Variants in PLCB1 observed in about 807,000 individuals in gnomAD.
PLCB1 encodes phospholipase C beta 1.
Under a neutral mutation model 161.8 loss-of-function variants are expected in PLCB1, and 46 were observed. The observed-to-expected ratio is 0.28, with a 90% confidence interval of 0.22 to 0.36. The LOEUF (loss-of-function observed/expected upper bound fraction) is 0.36. Ranked by LOEUF, PLCB1 falls within the 10% of genes least tolerant of loss-of-function variation. The pLI, the probability that PLCB1 is intolerant of heterozygous loss-of-function variation, is 1.00. For synonymous variants in PLCB1, 517 were observed against 503.7 expected (o/e 1.03, Z -0.35); for missense variants, 1,016 against 1,472.5 (o/e 0.69, Z 5.07).
intron 2 of PLCB1, among the ~76,000 whole-genome samples, chr20:8,295,816 C>T (rs776339101): frequency 6.6e-6 from 1 of 151,980 alleles, no homozygotes; most frequent in Non-Finnish European, 1.5e-5. Context: ...CTCAAGTGAT[C>T]CTCCCACCTC....
chr20:8,242,876 A>G (rs1311687724), intron 2 of PLCB1, among the ~76,000 whole-genome samples: 1 of 151,930 alleles, frequency 6.6e-6, no homozygotes, highest in Non-Finnish European at 1.5e-5. Context: ...CAATTGTGCT[A>G]TGGGAATAAT....
chr20:8,756,213 T>C (rs534266099), intron 23 of PLCB1, among the ~76,000 whole-genome samples: 131 of 152,330 alleles, frequency 8.6e-4, no homozygotes, highest in Non-Finnish European at 1.6e-3. Context: ...ACTTTATAAG[T>C]ATTAACTTAT....
intron 2 of PLCB1, among the ~76,000 whole-genome samples, chr20:8,339,260 G>C (rs1452166301): frequency 6.6e-6 from 1 of 152,144 alleles, no homozygotes; most frequent in Non-Finnish European, 1.5e-5. Flanking sequence ...ATCTCACCAG[G>C]AGTGTGGGAG....
intron 10 of PLCB1, among the ~76,000 whole-genome samples, chr20:8,692,129 G>T (rs1048985720): frequency 1.3e-5 from 2 of 152,102 alleles, no homozygotes; most frequent in Non-Finnish European, 1.5e-5. Flanking sequence ...AGATTTGAGG[G>T]TTTTGCTATC....
chr20:8,742,722 T>C (rs1392673895), intron 23 of PLCB1, among the ~76,000 whole-genome samples: 3 of 152,202 alleles, frequency 2.0e-5, no homozygotes, highest in Admixed American at 2.0e-4. Context: ...ATGACATGAC[T>C]TTTAATAACT....
intron 1 of PLCB1, among the ~76,000 whole-genome samples, chr20:8,140,602 G>T (rs553853724): frequency 6.6e-6 from 1 of 152,192 alleles, no homozygotes; most frequent in South Asian, 2.1e-4. Context: ...AAGAGCAAGC[G>T]TTTGTCTTTT....
intron 3 of PLCB1, among the ~76,000 whole-genome samples, chr20:8,538,612 G>A (rs1474068867): frequency 1.3e-5 from 2 of 152,130 alleles, no homozygotes; most frequent in Non-Finnish European, 2.9e-5. Context: ...GGCTACTAAA[G>A]TGTTGGGATT....
intron 2 of PLCB1, among the ~76,000 whole-genome samples, chr20:8,194,253 AC>A (rs1311633883): frequency 6.6e-6 from 1 of 151,932 alleles, no homozygotes; most frequent in East Asian, 1.9e-4. Flanking sequence ...TAAGCTTGTG[AC>A]TTTACTTCAA....
chr20:8,740,353 A>T lies in PLCB1; in HGVS notation c.2318A>T (p.Tyr773Phe), dbSNP rs948237591. The change falls in exon 22 of 32, where the codon TAT becomes TTT. Residue 773 changes from tyrosine (Y) to phenylalanine (F), a missense_variant. Around this residue, in one of 10 missense-constraint regions of PLCB1, gnomAD observed 75 missense variants for 117.0 expected, o/e 0.64. Coordinates refer to ENST00000338037, the MANE Select transcript of PLCB1 (RefSeq NM_015192.4). ...PVQAIRPGYH[Y>F]ICLRNERNQP... ...TATTCTCACCTTCCAGGCTATCACT[A>T]TATCTGTCTAAGGAATGAAAGGAAC... 6.3e-7 allele frequency: 1 copy of T among 1,588,714 alleles called. No individual in the cohort carries two copies. The highest frequency in any genetic ancestry group is 1.7e-5 in the Admixed American group (1 of 58,484).
At chr20:8,649,813 C>T (rs2123296133) in intron 7 of PLCB1, 2 of 217,528 alleles carry the variant, frequency 9.2e-6, no homozygotes, top group South Asian at 2.1e-4. Context: ...ATATATTATA[C>T]AGTTTCAAGT....
At chr20:8,528,198 C>G (rs1984658328) in intron 3 of PLCB1, among the ~76,000 whole-genome samples, 1 of 152,032 alleles carries the variant, frequency 6.6e-6, no homozygotes, top group Non-Finnish European at 1.5e-5. Flanking sequence ...TTCTGCATTT[C>G]TACCAATGTA....
chr20:8,151,529 C>T (rs141317184), intron 2 of PLCB1, among the ~76,000 whole-genome samples: 5 of 152,126 alleles, frequency 3.3e-5, no homozygotes, highest in African/African-American at 7.2e-5. Context: ...ACAGACCCTA[C>T]GCTAATGTCA....
At chr20:8,800,560 T>G in intron 31 of PLCB1, among the ~76,000 whole-genome samples, 1 of 152,190 alleles carries the variant, frequency 6.6e-6, no homozygotes, top group East Asian at 1.9e-4. Flanking sequence ...TCGCCCTATC[T>G]AATTATGCTA....
intron 2 of PLCB1, among the ~76,000 whole-genome samples, chr20:8,192,225 G>C (rs181690483): frequency 3.4e-4 from 52 of 152,110 alleles, no homozygotes; most frequent in Admixed American, 9.8e-4. Flanking sequence ...TTAGGGAGAT[G>C]CTTGCCATTA....
At chr20:8,438,779 A>G (rs1157129807) in intron 3 of PLCB1, among the ~76,000 whole-genome samples, 1 of 152,158 alleles carries the variant, frequency 6.6e-6, no homozygotes, top group Non-Finnish European at 1.5e-5. Flanking sequence ...AGGGGCCACA[A>G]AATCCTTTGT....
At chr20:8,445,563 G>T (rs1354177315) in intron 3 of PLCB1, among the ~76,000 whole-genome samples, 1 of 152,042 alleles carries the variant, frequency 6.6e-6, no homozygotes, top group Admixed American at 6.6e-5. Flanking sequence ...CTTTAAAGTA[G>T]TTTTTTCCAA....
At chr20:8,502,932 C>T (rs1448856552) in intron 3 of PLCB1, among the ~76,000 whole-genome samples, 2 of 152,158 alleles carry the variant, frequency 1.3e-5, no homozygotes, top group African/African-American at 4.8e-5. Flanking sequence ...ATTCAGTCCC[C>T]TCTTCCACTC....
At chr20:8,742,835 G>A (rs1980954493) in intron 23 of PLCB1, among the ~76,000 whole-genome samples, 1 of 152,144 alleles carries the variant, frequency 6.6e-6, no homozygotes, top group Non-Finnish European at 1.5e-5. Context: ...TGGGTACATA[G>A]TAGGTATATA....
chr20:8,480,837 C>T (rs756692148), intron 3 of PLCB1, among the ~76,000 whole-genome samples: 8 of 152,170 alleles, frequency 5.3e-5, no homozygotes, highest in East Asian at 1.9e-4. Context: ...TTTGGCCAGG[C>T]GCTGTGGCTC....
Sources: allele counts gnomAD v4.1 joint callset (sites outside exome capture counted in the v4.1 genomes callset), GRCh38; gene constraint gnomAD v4.1.1; regional missense constraint gnomAD v4.1.1; transcripts MANE v1.5; gene names NCBI Gene and HGNC (gene_info 2026-07-23, HGNC 2026-07-21).